The following TENM1 variants were observed in gnomAD, a reference collection of about 807,000 sequenced individuals.
TENM1 encodes teneurin-1.
Under a neutral mutation model 174.8 loss-of-function variants are expected in TENM1, and 35 were observed. The ratio of observed to expected loss-of-function variants is 0.20; its 90% confidence interval spans 0.15 to 0.27. The LOEUF (loss-of-function observed/expected upper bound fraction) is 0.27, where lower values mean the gene tolerates loss of function less well. Among genes scored for constraint, TENM1 ranks in the 10% least tolerant of loss-of-function variants. TENM1 has a pLI of 1.00. For synonymous variants in TENM1, 781 were observed against 798.7 expected (o/e 0.98, Z 0.37); for missense variants, 1,633 against 2,130.1 (o/e 0.77, Z 4.59).
chrX:124,881,658 A>G (rs963951042), intron 3 of TENM1, among the ~76,000 whole-genome samples: 1 of 106,925 alleles, frequency 9.4e-6, no homozygotes, highest in Non-Finnish European at 1.9e-5. Flanking sequence ...TTTTTTTCCC[A>G]TAAACTTCCT....
chrX:124,778,402 C>T (rs2054832431), intron 3 of TENM1, among the ~76,000 whole-genome samples: 1 of 112,088 alleles, frequency 8.9e-6, no homozygotes, highest in African/African-American at 3.2e-5. Flanking sequence ...CTGCTCCCCT[C>T]ACCCTTCAAT....
chrX:124,621,274 CCAG>C (rs1398553203), intron 11 of TENM1, among the ~76,000 whole-genome samples: 2 of 111,498 alleles, frequency 1.8e-5, no homozygotes, highest in Non-Finnish European at 3.8e-5. Flanking sequence ...GAGTTTGAGA[CCAG>C]CCTGGCCAAC....
At chrX:124,968,368 T>G (rs180921751), upstream of TENM1, among the ~76,000 whole-genome samples, 93 of 111,892 alleles carry the variant, frequency 8.3e-4, no homozygotes, top group African/African-American at 2.8e-3. Flanking sequence ...ATGTCTCACT[T>G]TGAATGCTGA....
In TENM1 at chrX:124,934,690, A is replaced by G. The variant is rs772115579; in HGVS notation, c.217+28847T>C. Among the ~76,000 whole-genome samples the G allele has an allele frequency of 7.2e-5, 8 of 111,848 alleles. No homozygotes were observed. The South Asian group carries it at 1.1e-3, about 16-fold the overall frequency. ...TGTTAGTCCGGCAGAAGATAGGAGC[A>G]GTAGAAACAAAAGGGCTATAAGATA... On this transcript the variant is annotated intron_variant, in intron 1 of 31. Transcript: ENST00000422452.
At chrX:125,061,927 T>G in the TENM1 span, among the ~76,000 whole-genome samples, 308 of 112,127 alleles carry the variant, frequency 2.7e-3, 4 homozygotes, top group African/African-American at 9.5e-3. Flanking sequence ...GTATCATGAT[T>G]GCCCTAACAG....
the TENM1 span, among the ~76,000 whole-genome samples, chrX:124,998,639 T>C: frequency 9.0e-6 from 1 of 111,221 alleles, no homozygotes; most frequent in Admixed American, 9.6e-5. Context: ...ATTTGACTTA[T>C]GGGAAAAATG....
intron 5 of TENM1, among the ~76,000 whole-genome samples, chrX:124,692,850 T>C (rs374598217): frequency 4.7e-5 from 5 of 106,765 alleles, no homozygotes; most frequent in African/African-American, 1.7e-4. Context: ...CCACTAAAAA[T>C]ACAAAAAATT....
At chrX:124,562,621 T>C (rs1403416877) in intron 13 of TENM1, among the ~76,000 whole-genome samples, 1 of 112,867 alleles carries the variant, frequency 8.9e-6, no homozygotes, top group African/African-American at 3.2e-5. Context: ...ACACTGACAA[T>C]GGTTCCTCTT....
chrX:124,747,044 C>T (rs960295141), intron 3 of TENM1, among the ~76,000 whole-genome samples: 2 of 109,133 alleles, frequency 1.8e-5, no homozygotes, highest in African/African-American at 3.3e-5. Context: ...CCTAGCTACT[C>T]GGGAGGCTGA....
intron 1 of TENM1, among the ~76,000 whole-genome samples, chrX:124,925,482 C>A (rs138567518): frequency 1.3e-3 from 151 of 112,084 alleles, no homozygotes; most frequent in African/African-American, 4.6e-3. Context: ...ACATGTTTAG[C>A]ATGTTTCACT....
At chrX:124,736,971 T>C in exon 4 of TENM1, 2 of 1,208,345 alleles carry the variant, frequency 1.7e-6, no homozygotes, top group African/African-American at 3.5e-5. Flanking sequence ...TCTCCAATGG[T>C]ATGTTGCTGT....
chrX:125,015,712 C>A, the TENM1 span, among the ~76,000 whole-genome samples: 2 of 111,235 alleles, frequency 1.8e-5, no homozygotes. Flanking sequence ...ATTGAGGAAA[C>A]AACATAAATA....
chrX:124,941,884 AAGGCAAAAGGCATGTCTTACATGGCAGC>A (rs1446129720), intron 1 of TENM1, among the ~76,000 whole-genome samples: 2 of 111,961 alleles, frequency 1.8e-5, no homozygotes, highest in Non-Finnish European at 3.8e-5. Context: ...ATCATGGTGG[AAGGCAAAAGGCATGTCTTACATGGCAGC>A]AGGCAAAAGA....
chrX:124,529,223 CTG>C (rs1395169363), intron 16 of TENM1, among the ~76,000 whole-genome samples: 1 of 112,073 alleles, frequency 8.9e-6, no homozygotes, highest in African/African-American at 3.2e-5. Context: ...GAATCAATGT[CTG>C]TCTAAATGAC....
chrX:124,836,670 T>A (rs892437125), intron 3 of TENM1, among the ~76,000 whole-genome samples: 2 of 112,543 alleles, frequency 1.8e-5, no homozygotes, highest in Non-Finnish European at 3.7e-5. Flanking sequence ...TGTTTTCACT[T>A]TCTAGAATCA....
At chrX:124,591,551 C>G (rs2049743349) in intron 11 of TENM1, among the ~76,000 whole-genome samples, 1 of 111,753 alleles carries the variant, frequency 8.9e-6, no homozygotes, top group South Asian at 3.7e-4. Flanking sequence ...AAACAGGCCC[C>G]TAATCTCTCC....
intron 1 of TENM1, among the ~76,000 whole-genome samples, chrX:124,898,698 T>C (rs1178111737): frequency 8.9e-6 from 1 of 112,031 alleles, no homozygotes; most frequent in African/African-American, 3.2e-5. Context: ...CTGACAGATG[T>C]AAGCAGATTT....
chrX:124,644,131 A>G (rs2051092124), intron 10 of TENM1, among the ~76,000 whole-genome samples: 1 of 98,381 alleles, frequency 1.0e-5, no homozygotes, highest in Admixed American at 1.1e-4. Flanking sequence ...TATATATGCC[A>G]TATATATATA....
At chrX:124,477,635 C>G (rs1337717433) in intron 22 of TENM1, among the ~76,000 whole-genome samples, 2 of 110,258 alleles carry the variant, frequency 1.8e-5, no homozygotes, top group Non-Finnish European at 3.8e-5. Flanking sequence ...TCCTGTAATC[C>G]CAGCTACTCA....
Sources: allele counts gnomAD v4.1 joint callset (sites outside exome capture counted in the v4.1 genomes callset), GRCh38; gene constraint gnomAD v4.1.1; transcripts MANE v1.5; gene names NCBI Gene and HGNC (gene_info 2026-07-23, HGNC 2026-07-21).